The following DYNC2H1 variants were observed in gnomAD, a reference collection of about 807,000 sequenced individuals.
The protein encoded by DYNC2H1 is dynein cytoplasmic 2 heavy chain 1.
Under a neutral mutation model 570.0 loss-of-function variants are expected in DYNC2H1, and 410 were observed. That is an observed-to-expected ratio of 0.72 (90% CI 0.66 to 0.78). DYNC2H1 has a LOEUF of 0.78. Among genes scored for constraint, DYNC2H1 ranks in the 30% least tolerant of loss-of-function variants. DYNC2H1 has a pLI of 0.00. For synonymous variants in DYNC2H1, 1,688 were observed against 1,677.6 expected (o/e 1.01, Z -0.15); for missense variants, 4,865 against 5,046.4 (o/e 0.96, Z 1.09).
At chr11:103,426,788 G>A (rs559345) in intron 84 of DYNC2H1, among the ~76,000 whole-genome samples, 93,185 of 152,018 alleles carry the variant, frequency 0.61, 28,891 homozygotes, top group South Asian at 0.74. Context: ...TTGATTGGTC[G>A]CGTTAATGCG....
At chr11:103,470,513 C>G (rs1035895905) in intron 88 of DYNC2H1, among the ~76,000 whole-genome samples, 1 of 152,132 alleles carries the variant, frequency 6.6e-6, no homozygotes, top group Non-Finnish European at 1.5e-5. Context: ...TGTTGGTGTG[C>G]TGCACTCATT....
rs1026821409 is a variant in DYNC2H1 at position 103,284,344 on chromosome 11, GA to G, written c.10890+1267del. 4.0e-5 allele frequency among the ~76,000 whole-genome samples: 6 copies of G among 151,788 alleles called. No individual in the cohort carries two copies. In the East Asian group the frequency reaches 7.7e-4, roughly 19 times the overall value. ...TTGCTTCCTCTATTGTAATAGTCCT[GA>G]AAAAAAATCTGTTTTTAATGCTTTA... On this transcript the variant is annotated intron_variant, in intron 73 of 88. Coordinates refer to ENST00000375735, the MANE Select transcript of DYNC2H1 (RefSeq NM_001377.3).
chr11:103,389,902 G>A (rs533966163), intron 83 of DYNC2H1, among the ~76,000 whole-genome samples: 1 of 152,248 alleles, frequency 6.6e-6, no homozygotes, highest in South Asian at 2.1e-4. Flanking sequence ...TCGCTGAGGA[G>A]TGCTTTACCT....
chr11:103,346,583 A>AT (rs1205104635), intron 82 of DYNC2H1, among the ~76,000 whole-genome samples: 1 of 152,012 alleles, frequency 6.6e-6, no homozygotes, highest in African/African-American at 2.4e-5. Context: ...ATGATGTTAT[A>AT]TTTTTCCTTT....
At chr11:103,471,872 G>A (rs1356827468) in intron 88 of DYNC2H1, among the ~76,000 whole-genome samples, 4 of 152,074 alleles carry the variant, frequency 2.6e-5, no homozygotes, top group African/African-American at 9.7e-5. Flanking sequence ...GATAGATGAG[G>A]GAGGCTTCAA....
At position 103,220,807 on chromosome 11, in the gene DYNC2H1, ATAT is replaced by A. The variant is rs549703543; in HGVS notation, c.9107+29_9107+31del. 3.4e-4 allele frequency: 534 copies of A among 1,588,308 alleles called. 8 individuals are homozygous for A. In the African/African-American group the frequency reaches 6.6e-3, roughly 20 times the overall value. ...AGGTACATTTTTCAATTTGTGAAAA[ATAT>A]TATTTCGGCAATGAATGACACATTC... is the stretch of plus-strand genomic sequence containing the variant. On this transcript the variant is annotated intron_variant, in intron 57 of 88. Transcript: ENST00000375735.
chr11:103,165,419 G>A (rs1358183380), intron 30 of DYNC2H1, among the ~76,000 whole-genome samples: 2 of 152,108 alleles, frequency 1.3e-5, no homozygotes, highest in African/African-American at 4.8e-5. Flanking sequence ...GTGAGCCACC[G>A]CACCCGGCCA....
chr11:103,352,907 T>A (rs1940120087), intron 82 of DYNC2H1, among the ~76,000 whole-genome samples: 1 of 152,134 alleles, frequency 6.6e-6, no homozygotes, highest in Non-Finnish European at 1.5e-5. Flanking sequence ...CCAATGCCCA[T>A]CAATGATAGA....
intron 13 of DYNC2H1, among the ~76,000 whole-genome samples, chr11:103,130,290 C>T (rs1291052307): frequency 2.0e-5 from 3 of 152,108 alleles, no homozygotes; most frequent in African/African-American, 7.2e-5. Flanking sequence ...CCACTCTTAT[C>T]AGAGTGGTAG....
At chr11:103,131,399 C>T (rs925875665) in intron 13 of DYNC2H1, among the ~76,000 whole-genome samples, 2 of 152,244 alleles carry the variant, frequency 1.3e-5, no homozygotes, top group East Asian at 3.9e-4. Flanking sequence ...ACCCATTCTC[C>T]TGCCTCAGCC....
In DYNC2H1 at chr11:103,109,544, T is replaced by G; in HGVS notation, c.-31T>G. 6.2e-7 allele frequency: 1 copy of G among 1,601,562 alleles called. No homozygotes were observed. The highest frequency in any genetic ancestry group is 8.5e-7 in the Non-Finnish European group (1 of 1,171,542). On this transcript the variant is annotated 5_prime_UTR_variant, in exon 1 of 89. Transcript: ENST00000375735. ...GGACTGGTTTCTTCTTCCTTCCCCC[T>G]TCCCCCAACTTCCCTCCACCCCTTC... is the stretch of plus-strand genomic sequence containing the variant.
intron 47 of DYNC2H1, among the ~76,000 whole-genome samples, 181 bp from the exon 48 acceptor site, chr11:103,197,752 C>G (rs1346389832): frequency 6.6e-6 from 1 of 152,156 alleles, no homozygotes; most frequent in African/African-American, 2.4e-5. Context: ...CTGGCTCAGT[C>G]ATTGTATTTC....
rs1381385771 is a variant in DYNC2H1, at chr11:103,199,641, TA to T, written c.8088+166del. 2.0e-5 allele frequency among the ~76,000 whole-genome samples: 3 copies of T among 152,216 alleles called. No homozygotes were observed. The highest frequency in any genetic ancestry group is 4.4e-5 in the Non-Finnish European group (3 of 68,036). ...ATGTAGTCTTTATTTTAATTTAGATTATTTTTTCCATGATTATTAGAAAATT... is the reference window on the plus strand; with the variant it reads ...ATGTAGTCTTTATTTTAATTTAGATTTTTTTTCCATGATTATTAGAAAATT... On this transcript the variant is annotated intron_variant, in intron 49 of 88. Transcript: ENST00000375735. The surrounding 1 kb of genome is among the most constrained non-coding windows in gnomAD (Gnocchi z 4.6).
intron 12 of DYNC2H1, among the ~76,000 whole-genome samples, chr11:103,127,588 G>A (rs1246494521): frequency 6.6e-6 from 1 of 152,156 alleles, no homozygotes; most frequent in Non-Finnish European, 1.5e-5. Context: ...CATCTACTAT[G>A]TGCCAAGAAT....
chr11:103,465,060 T>C lies in DYNC2H1; in HGVS notation c.12649-3529T>C, dbSNP rs1347555151. ...AAGAATTTATTAGAAAGTTTTACAC[T>C]TAATTACGCATTTAAAAGTAGATGG... On this transcript the variant is annotated intron_variant, in intron 87 of 88. Transcript: ENST00000375735. The surrounding 1 kb of genome is among the most constrained non-coding windows in gnomAD (Gnocchi z 4.9). Among the ~76,000 whole-genome samples, 1 of 152,136 alleles carries C rather than the reference T, an allele frequency of 6.6e-6. No individual in the cohort carries two copies. The highest frequency in any genetic ancestry group is 6.5e-5 in the Admixed American group (1 of 15,268).
At chr11:103,179,883 G>C (rs952939948) in intron 39 of DYNC2H1, among the ~76,000 whole-genome samples, 2 of 151,626 alleles carry the variant, frequency 1.3e-5, no homozygotes, top group East Asian at 3.8e-4. Flanking sequence ...TTTGGCATAA[G>C]TAAGAAACTT....
At chr11:103,171,858 A>C (rs1397814655) in intron 34 of DYNC2H1, among the ~76,000 whole-genome samples, 1 of 152,146 alleles carries the variant, frequency 6.6e-6, no homozygotes, top group Non-Finnish European at 1.5e-5. Flanking sequence ...AGCAGAATGA[A>C]GCACATGTTT....
intron 80 of DYNC2H1, among the ~76,000 whole-genome samples, chr11:103,318,842 C>T (rs995116132): frequency 2.0e-5 from 3 of 152,034 alleles, no homozygotes; most frequent in African/African-American, 7.2e-5. Flanking sequence ...ATAAGAACAG[C>T]ATTATCAGTA....
chr11:103,285,867 G>A (rs12289177), intron 73 of DYNC2H1, among the ~76,000 whole-genome samples: 25,281 of 152,118 alleles, frequency 0.17, 2,272 homozygotes, highest in Admixed American at 0.25. Context: ...GAGCCTGACC[G>A]AAGTTTTGAC....
Sources: allele counts gnomAD v4.1 joint callset (sites outside exome capture counted in the v4.1 genomes callset), GRCh38; gene constraint gnomAD v4.1.1; non-coding constraint Gnocchi (gnomAD v3.1); transcripts MANE v1.5; gene names NCBI Gene and HGNC (gene_info 2026-07-23, HGNC 2026-07-21).